RGS17: variants seen among roughly 807,000 people sequenced by gnomAD.
The protein encoded by RGS17 is regulator of G-protein signaling 17.
RGS17 carries 12 observed loss-of-function variants against 25.5 expected under a neutral mutation model. The ratio of observed to expected loss-of-function variants is 0.47; its 90% CI spans 0.30 to 0.76. The LOEUF is 0.76. RGS17 is among the 30% of genes least tolerant of loss of function. The probability of loss-of-function intolerance (pLI) is 0.07; values close to 1 mark genes in which losing one functional copy is unlikely to be tolerated. For missense variants in RGS17, 196 were observed against 242.2 expected (o/e 0.81, Z 1.27); for synonymous variants, 71 against 76.9 (o/e 0.92, Z 0.40).
At chr6:153,027,163 T>G (rs1420497498) in intron 2 of RGS17, among the ~76,000 whole-genome samples, 1 of 152,158 alleles carries the variant, frequency 6.6e-6, no homozygotes, top group Non-Finnish European at 1.5e-5. Context: ...ACTGAGCATT[T>G]GGAACAGGTG....
At chr6:153,065,703 A>G (rs2129115985) in intron 1 of RGS17, among the ~76,000 whole-genome samples, 1 of 152,326 alleles carries the variant, frequency 6.6e-6, no homozygotes, top group East Asian at 1.9e-4. Flanking sequence ...GAAGAAATTA[A>G]GAAGGAAATT....
At chr6:153,084,230 T>C (rs1777022213) in intron 1 of RGS17, among the ~76,000 whole-genome samples, 1 of 152,208 alleles carries the variant, frequency 6.6e-6, no homozygotes, top group Admixed American at 6.5e-5. Context: ...TGGTGTTTTC[T>C]CTACAGTTGC....
At chr6:153,070,229 T>C (rs557737365) in intron 1 of RGS17, among the ~76,000 whole-genome samples, 70 of 152,116 alleles carry the variant, frequency 4.6e-4, no homozygotes, top group African/African-American at 1.6e-3. Flanking sequence ...TTTTCTTTTT[T>C]GGTGGGGGTG....
intron 1 of RGS17, among the ~76,000 whole-genome samples, chr6:153,057,306 G>C (rs1776574563): frequency 6.6e-6 from 1 of 151,992 alleles, no homozygotes; most frequent in South Asian, 2.1e-4. Flanking sequence ...TGGAAAATTA[G>C]GCTGAATTGG....
At chr6:153,037,589 C>A (rs761296351) in intron 2 of RGS17, among the ~76,000 whole-genome samples, 2 of 151,990 alleles carry the variant, frequency 1.3e-5, no homozygotes, top group Non-Finnish European at 2.9e-5. Flanking sequence ...CCACACCCGG[C>A]TAATTTTTGT....
At chr6:153,094,927 A>G (rs1261888190) in intron 1 of RGS17, among the ~76,000 whole-genome samples, 1 of 152,166 alleles carries the variant, frequency 6.6e-6, no homozygotes, top group Non-Finnish European at 1.5e-5. Context: ...CATTCACAAT[A>G]TAATTGTGAA....
chr6:153,019,797 T>G (rs1242780892), intron 4 of RGS17, among the ~76,000 whole-genome samples: 1 of 152,126 alleles, frequency 6.6e-6, no homozygotes, highest in African/African-American at 2.4e-5. Flanking sequence ...AAACCACTTT[T>G]CTTTATAAAT....
chr6:153,051,157 T>C (rs1265313106), intron 1 of RGS17, among the ~76,000 whole-genome samples: 1 of 152,242 alleles, frequency 6.6e-6, no homozygotes, highest in Non-Finnish European at 1.5e-5. Context: ...TGGTATTTTA[T>C]TATAGCAGCC....
intron 1 of RGS17, among the ~76,000 whole-genome samples, chr6:153,044,752 A>T (rs940357603): frequency 2.0e-5 from 3 of 152,256 alleles, no homozygotes; most frequent in Non-Finnish European, 4.4e-5. Context: ...GGTGGAATTT[A>T]TATATCATGG....
At chr6:153,034,245 T>C (rs1776203695) in intron 2 of RGS17, among the ~76,000 whole-genome samples, 1 of 152,108 alleles carries the variant, frequency 6.6e-6, no homozygotes, top group South Asian at 2.1e-4. Context: ...ACAATCTTGA[T>C]CTGTAGAGAA....
intron 2 of RGS17, among the ~76,000 whole-genome samples, chr6:153,040,182 G>A (rs763534602): frequency 3.3e-5 from 5 of 152,212 alleles, no homozygotes; most frequent in African/African-American, 4.8e-5. Context: ...AGAGACTGAC[G>A]TGGGGGGAGA....
intron 1 of RGS17, among the ~76,000 whole-genome samples, chr6:153,058,003 G>A (rs1776583351): frequency 6.6e-6 from 1 of 152,190 alleles, no homozygotes; most frequent in South Asian, 2.1e-4. Context: ...CCATGGACCA[G>A]GGGTTGGGGA....
At chr6:153,039,750 T>C (rs1776299448) in intron 2 of RGS17, among the ~76,000 whole-genome samples, 1 of 152,192 alleles carries the variant, frequency 6.6e-6, no homozygotes, top group Non-Finnish European at 1.5e-5. Context: ...CTATGGCCAT[T>C]TTGATGCCCC....
chr6:153,109,976 T>C (rs1777443507), intron 1 of RGS17, among the ~76,000 whole-genome samples: 1 of 152,230 alleles, frequency 6.6e-6, no homozygotes, highest in African/African-American at 2.4e-5. Context: ...TCCATAAAAA[T>C]GATATACTGT....
chr6:153,125,056 A>T (rs1281967), intron 1 of RGS17, among the ~76,000 whole-genome samples: 90,490 of 152,000 alleles, frequency 0.6, 27,610 homozygotes, highest in East Asian at 0.88. Context: ...AGATTCAAGA[A>T]AATTTTTAAA....
At chr6:153,104,912 G>T (rs1353635057) in intron 1 of RGS17, among the ~76,000 whole-genome samples, 4 of 152,148 alleles carry the variant, frequency 2.6e-5, no homozygotes, top group Non-Finnish European at 5.9e-5. Flanking sequence ...GAGCTACATG[G>T]ATATCTGGGG....
chr6:153,042,215 C>T (rs767852480), intron 2 of RGS17, among the ~76,000 whole-genome samples: 2 of 152,190 alleles, frequency 1.3e-5, no homozygotes, highest in Non-Finnish European at 2.9e-5. Context: ...TCTGTTTCCT[C>T]CATCTTAAAT....
intron 4 of RGS17, among the ~76,000 whole-genome samples, chr6:153,019,931 C>A: frequency 6.6e-6 from 1 of 151,172 alleles, no homozygotes; most frequent in Non-Finnish European, 1.5e-5. Flanking sequence ...GCTTAAAGGC[C>A]TCTTTATTAT....
chr6:153,092,347 C>T (rs571434799), intron 1 of RGS17, among the ~76,000 whole-genome samples: 1 of 152,282 alleles, frequency 6.6e-6, no homozygotes, highest in East Asian at 1.9e-4. Flanking sequence ...GGTAACACTG[C>T]TTTAGGACAA....
Sources: allele counts gnomAD v4.1 joint callset (sites outside exome capture counted in the v4.1 genomes callset), GRCh38; gene constraint gnomAD v4.1.1; transcripts MANE v1.5; gene names NCBI Gene and HGNC (gene_info 2026-07-23, HGNC 2026-07-21).